Variants in CASD1 observed in about 807,000 individuals in gnomAD.
CASD1 encodes the protein N-acetylneuraminate (7)9-O-acetyltransferase.
A neutral mutation model predicts 100.0 loss-of-function variants in CASD1; 41 were observed. The ratio of observed to expected loss-of-function variants is 0.41; its 90% CI spans 0.32 to 0.53. CASD1 has a LOEUF of 0.53. Ranked by LOEUF, CASD1 falls within the 20% of genes least tolerant of loss-of-function variation. The pLI is 0.25. For synonymous variants in CASD1, 321 were observed against 315.6 expected (o/e 1.02, Z -0.18); for missense variants, 774 against 948.7 (o/e 0.82, Z 2.42).
At chr7:94,511,201 T>G (rs1162423899) in intron 1 of CASD1, among the ~76,000 whole-genome samples, 1 of 152,192 alleles carries the variant, frequency 6.6e-6, no homozygotes, top group African/African-American at 2.4e-5. Flanking sequence ...AAAGCCATTA[T>G]CTGGCCAGCT....
chr7:94,588,029 T>A, the CASD1 span: 2 of 1,381,830 alleles, frequency 1.4e-6, no homozygotes, highest in Non-Finnish European at 1.9e-6. Flanking sequence ...CCCTGGCAAT[T>A]AGAACTAGGA....
chr7:94,579,133 A>G, the CASD1 span, among the ~76,000 whole-genome samples: 2 of 151,944 alleles, frequency 1.3e-5, no homozygotes, highest in Non-Finnish European at 2.9e-5. Context: ...TTCAATGCCT[A>G]GAACACAAAA....
rs991805104 is a variant in CASD1 at position 94,535,497 on chromosome 7, C to T, written c.817C>T (p.His273Tyr). 6 of 1,613,376 alleles carry T rather than the reference C, an allele frequency of 3.7e-6. No homozygotes were observed. The African/African-American group carries it at 5.3e-5, about 14-fold the overall frequency. ...ETIMESLDGL[H>Y]LPESSRETTA... ...CATCATGGAATCTTTGGATGGCTTA[C>T]ATCTTCCTGAATCGAGCAGAGAAAC... The change falls in exon 8 of 18, where the codon CAT becomes TAT. Residue 273 changes from histidine to tyrosine, a missense_variant. His to Tyr is a moderately conservative substitution (Grantham distance 83, BLOSUM62 2). Transcript: ENST00000297273.
At chr7:94,519,895 A>G (rs1239994947) in intron 3 of CASD1, among the ~76,000 whole-genome samples, 1 of 152,210 alleles carries the variant, frequency 6.6e-6, no homozygotes, top group Non-Finnish European at 1.5e-5. Flanking sequence ...CTTTCTAAAA[A>G]TTCGAATAAT....
At position 94,510,007 on chromosome 7, in the gene CASD1, C is replaced by A; in HGVS notation, c.-78C>A. 7.7e-7 allele frequency: 1 copy of A among 1,302,346 alleles called. No individual in the cohort carries two copies. Among genetic ancestry groups the A allele is most frequent in the South Asian group, 2.4e-5 (1 of 41,590 alleles). The allele number at this position is 1,302,346 out of a possible 1,614,324, so 80.7% of individuals were successfully genotyped here. A position where few individuals can be genotyped will look rare whatever the true frequency, so the allele number is the denominator to read the frequency against. On this transcript the variant is annotated 5_prime_UTR_variant, in exon 1 of 18. Coordinates refer to ENST00000297273, the MANE Select transcript of CASD1 (RefSeq NM_022900.5). The stretch of plus-strand genomic sequence containing the variant: ...GCGGCCGCTCCTCGCCTGGCTGCAG[C>A]GGCGGCAGCCCCAGTGCTGCCCCTG...
the CASD1 span, chr7:94,599,093 C>G: frequency 1.5e-6 from 1 of 647,950 alleles, no homozygotes; most frequent in Non-Finnish European, 2.6e-6. Context: ...TTTGGGCATT[C>G]AATAAACTAT....
At chr7:94,541,820 G>T (rs752332317) in intron 10 of CASD1, among the ~76,000 whole-genome samples, 10 of 152,004 alleles carry the variant, frequency 6.6e-5, no homozygotes, top group Non-Finnish European at 1.5e-4. Flanking sequence ...TAATGATAAT[G>T]TGGTCATGTA....
chr7:94,588,134 TGAAA>T, the CASD1 span: 1 of 1,146,912 alleles, frequency 8.7e-7, no homozygotes, highest in South Asian at 3.3e-5. Flanking sequence ...TAGGGACACT[TGAAA>T]GAAATAAAGA....
intron 1 of CASD1, among the ~76,000 whole-genome samples, chr7:94,516,852 G>T (rs1440529163): frequency 6.6e-6 from 1 of 151,528 alleles, no homozygotes. Context: ...GTGTATTATA[G>T]TAGTTGAATA....
chr7:94,626,229 T>C, the CASD1 span: 1 of 152,096 alleles, frequency 6.6e-6, no homozygotes, highest in Non-Finnish European at 1.5e-5. Context: ...TGGGTTGTCT[T>C]TTTAAATCAT....
chr7:94,599,044 A>G, the CASD1 span: 7 of 1,025,620 alleles, frequency 6.8e-6, no homozygotes, highest in Non-Finnish European at 1.0e-5. Flanking sequence ...AAACTTATGA[A>G]GTATTTTTAT....
the CASD1 span, chr7:94,621,503 C>T: frequency 3.3e-5 from 5 of 152,214 alleles, no homozygotes; most frequent in African/African-American, 2.4e-5. Context: ...TCAACAACAA[C>T]ATCTATTGAG....
At chr7:94,595,689 A>G in the CASD1 span, among the ~76,000 whole-genome samples, 2 of 152,160 alleles carry the variant, frequency 1.3e-5, no homozygotes, top group African/African-American at 4.8e-5. Context: ...CTTTTAAAAC[A>G]TAGCTGTTTT....
the CASD1 span, among the ~76,000 whole-genome samples, chr7:94,610,798 C>G: frequency 2.6e-5 from 4 of 152,076 alleles, no homozygotes; most frequent in Admixed American, 6.5e-5. Flanking sequence ...ACTCTTACAA[C>G]TTAATCAAAA....
At chr7:94,579,218 T>TAAAAAA in the CASD1 span, among the ~76,000 whole-genome samples, 1 of 136,024 alleles carries the variant, frequency 7.4e-6, no homozygotes. Context: ...TTTTAAATGT[T>TAAAAAA]AAAAAAAAAA....
the CASD1 span, among the ~76,000 whole-genome samples, chr7:94,605,911 C>G: frequency 6.6e-6 from 1 of 152,002 alleles, no homozygotes; most frequent in Non-Finnish European, 1.5e-5. Context: ...TCACTGCAAC[C>G]TCTGCCTCCT....
the CASD1 span, chr7:94,587,547 G>A: frequency 7.6e-7 from 1 of 1,318,110 alleles, no homozygotes; most frequent in Non-Finnish European, 9.6e-7. Context: ...ATTAGTGGTA[G>A]TAGGGATTCA....
intron 5 of CASD1, among the ~76,000 whole-genome samples, chr7:94,531,615 A>G (rs1794854434): frequency 6.6e-6 from 1 of 152,168 alleles, no homozygotes; most frequent in South Asian, 2.1e-4. Flanking sequence ...AAAATGAAGC[A>G]TGCTCAACTG....
chr7:94,605,166 G>A, the CASD1 span, among the ~76,000 whole-genome samples: 9 of 152,006 alleles, frequency 5.9e-5, no homozygotes, highest in South Asian at 2.1e-4. Flanking sequence ...GCATCACACC[G>A]GAATCAGATA....
Sources: gnomAD v4.1 joint callset for allele counts (sites outside exome capture counted in the v4.1 genomes callset) on GRCh38, gnomAD v4.1.1 for gene constraint, MANE v1.5 for transcripts, NCBI Gene and HGNC (gene_info 2026-07-23, HGNC 2026-07-21) for gene names.